Variants in NME6 observed in about 807,000 individuals in gnomAD.
The protein encoded by NME6 is NME/NM23 nucleoside diphosphate kinase 6.
Under a neutral mutation model 22.2 loss-of-function variants are expected in NME6, and 16 were observed. The ratio of observed to expected loss-of-function variants is 0.72; its 90% CI spans 0.49 to 1.09. The LOEUF is 1.09. Ranked by LOEUF, NME6 falls within the 50% of genes least tolerant of loss-of-function variation. The pLI is 0.00. For missense variants in NME6, 229 were observed against 239.0 expected (o/e 0.96, Z 0.28); for synonymous variants, 58 against 85.2 (o/e 0.68, Z 1.76).
downstream of NME6, among the ~76,000 whole-genome samples, chr3:48,288,257 C>T (rs927399364): frequency 4.6e-5 from 7 of 151,396 alleles, no homozygotes; most frequent in Non-Finnish European, 7.4e-5. Context: ...GGAGCATGCC[C>T]GTAGTCCCAG....
At chr3:48,300,138 C>G in intron 1 of NME6, 1 of 423,650 alleles carries the variant, frequency 2.4e-6, no homozygotes, top group Admixed American at 2.6e-5. Context: ...ACACAGCAGC[C>G]AAAGTGAACC....
intron 1 of NME6, chr3:48,300,629 C>T (rs1021068165): frequency 3.5e-6 from 1 of 282,270 alleles, no homozygotes; most frequent in South Asian, 3.2e-5. Context: ...GGCAAGAACA[C>T]GCGGCCTGTA....
At position 48,295,988 on chromosome 3, in the gene NME6, A is replaced by G. The variant is rs536836767; in HGVS notation, c.233+131T>C. 4.6e-5 allele frequency: 34 copies of G among 740,390 alleles called. No homozygotes were observed. The South Asian group carries it at 5.0e-4, about 11-fold the overall frequency. The allele number at this position is 740,390 out of a possible 1,614,324, so 45.9% of individuals were successfully genotyped here. A position where few individuals can be genotyped will look rare whatever the true frequency, so the allele number is the denominator to read the frequency against. ...CGCCTCAGCCTCCCAAAGTGCTGGG[A>G]TTACAGGCATGAGCCACCGTGCCTG... On this transcript the variant is annotated intron_variant, in intron 4 of 5. Transcript: ENST00000442597.
At position 48,296,754 on chromosome 3, in the gene NME6, A is replaced by G; in HGVS notation, c.166T>C (p.Cys56Arg). 6.2e-7 allele frequency: 1 copy of G among 1,613,660 alleles called. No homozygotes were observed. Among genetic ancestry groups the G allele is most frequent in the Non-Finnish European group, 8.5e-7 (1 of 1,179,882 alleles). ...TCATGCTCTCGGTAAAACCTCTGGC[A>G]ATCTTCCTTTCTCCACAGTAGTTCT... is the stretch of plus-strand genomic sequence containing the variant. ...MRELLWRKEDCQRFYREHEGR... is the reference protein window; with the variant it reads ...MRELLWRKEDRQRFYREHEGR... The change falls in exon 3 of 6, where the codon TGC (cysteine) becomes CGC (arginine). Residue 56 changes from cysteine to arginine, a missense_variant. By Grantham distance (180) the Cys-to-Arg change is radical. Coordinates refer to ENST00000442597, the MANE Select transcript of NME6 (RefSeq NM_001308426.2).
chr3:48,291,051 A>G (rs539994711), downstream of NME6: 3 of 289,850 alleles, frequency 1.0e-5, no homozygotes, highest in Middle Eastern at 1.4e-3. Context: ...CTTCGCCCCA[A>G]TTTCTCAGTT....
chr3:48,287,976 A>ATCTAGGAAAGTGGAGGAGTGGACGG (rs1475205304), downstream of NME6, among the ~76,000 whole-genome samples: 22 of 152,192 alleles, frequency 1.4e-4, no homozygotes, highest in South Asian at 2.1e-4. Context: ...ACATGAATAT[A>ATCTAGGAAAGTGGAGGAGTGGACGG]TCTAGGAAAG....
Position 48,292,627 on chromosome 3 carries a change from C to G in NME6, c.*2010G>C, listed in dbSNP as rs1355464818. On this transcript the variant is annotated 3_prime_UTR_variant, in exon 6 of 6. Transcript: ENST00000442597. The stretch of plus-strand genomic sequence containing the variant: ...GTGCAACGGCGTGATCTTGGCTCAC[C>G]ACAACCTCCGCCTCCTGGGTTCAAG... 1 of 152,060 alleles carries G rather than the reference C, an allele frequency of 6.6e-6. No individual in the cohort carries two copies. The highest frequency in any genetic ancestry group is 2.1e-4 in the South Asian group (1 of 4,828). The allele number at this position is 152,060 out of a possible 1,614,324, so 9.4% of individuals were successfully genotyped here. A position where few individuals can be genotyped will look rare whatever the true frequency, so the allele number is the denominator to read the frequency against.
At chr3:48,295,396 C>G (rs1204480340) in intron 4 of NME6, 161 bp from the exon 5 acceptor site, 1 of 760,162 alleles carries the variant, frequency 1.3e-6, no homozygotes, top group Non-Finnish European at 2.1e-6. Context: ...AGGGCCCCTG[C>G]TGGTGTACAT....
chr3:48,300,943 G>C (rs556431435), intron 1 of NME6, among the ~76,000 whole-genome samples: 1 of 152,246 alleles, frequency 6.6e-6, no homozygotes, highest in East Asian at 1.9e-4. Context: ...AGCTACTAGG[G>C]AGGCTGAGGC....
intron 2 of NME6, among the ~76,000 whole-genome samples, chr3:48,297,300 A>C (rs1308636545): frequency 6.6e-6 from 1 of 152,170 alleles, no homozygotes; most frequent in Non-Finnish European, 1.5e-5. Context: ...CTCTAGTCTC[A>C]CCATCGCAGG....
chr3:48,296,081 C>T (rs370850316), intron 4 of NME6, 38 bp downstream of exon 4: 16 of 1,310,652 alleles, frequency 1.2e-5, no homozygotes, highest in Non-Finnish European at 1.8e-5. Context: ...GGAGATTAGC[C>T]TCAGTGGATA....
downstream of NME6, chr3:48,290,971 C>T (rs2034411962): frequency 3.4e-6 from 1 of 291,386 alleles, no homozygotes; most frequent in Admixed American, 4.0e-5. Context: ...GCATAGATTC[C>T]TTCCTGTGCG....
chr3:48,294,869 G>A, intron 5 of NME6, 66 bp from the exon 6 acceptor site: 1 of 1,554,858 alleles, frequency 6.4e-7, no homozygotes, highest in Non-Finnish European at 8.8e-7. Flanking sequence ...GTCATAATCA[G>A]GTTCAGAATC....
At chr3:48,291,738 G>A (rs535780949), downstream of NME6, 1 of 152,740 alleles carries the variant, frequency 6.5e-6, no homozygotes, top group African/African-American at 2.4e-5. Flanking sequence ...GGCTACAATT[G>A]GTTTGCTATA....
At chr3:48,300,613 T>G (rs989869715) in intron 1 of NME6, 10 of 290,598 alleles carry the variant, frequency 3.4e-5, no homozygotes. Flanking sequence ...TGCTAGGGGT[T>G]CTCGTGGCAA....
Position 48,294,649 on chromosome 3 carries a change from T to C in NME6, c.549A>G (p.Leu183=), listed in dbSNP as rs1311485281. The C allele has an allele frequency of 6.2e-7, 1 of 1,614,158 alleles. No individual in the cohort carries two copies. Among genetic ancestry groups the C allele is most frequent in the East Asian group, 2.2e-5 (1 of 44,874 alleles). The change falls in exon 6 of 6, where the codon CTA becomes CTG. Residue 183 remains leucine, a synonymous_variant. Transcript: ENST00000442597. ...GVHYVAGTGG[L]GPA is the part of the protein sequence containing the mutation. ...TCATAGACCTGCATCAGGCTGGTCC[T>C]AGGCCTCCTGTTCCAGCTACATAGT... is the stretch of plus-strand genomic sequence containing the variant.
intron 4 of NME6, 95 bp from the exon 5 acceptor site, chr3:48,295,330 TGA>T (rs2106939549): frequency 4.4e-6 from 6 of 1,367,458 alleles, no homozygotes; most frequent in African/African-American, 1.5e-5. Context: ...CTCTACGTTC[TGA>T]GAGTTTTCCT....
At chr3:48,295,855 A>C (rs1193654333) in intron 4 of NME6, 1 of 505,826 alleles carries the variant, frequency 2.0e-6, no homozygotes, top group Non-Finnish European at 3.6e-6. Context: ...AGCTGGGATT[A>C]CAGGCACCTG....
At chr3:48,299,567 G>A (rs1257367968) in intron 1 of NME6, among the ~76,000 whole-genome samples, 1 of 143,728 alleles carries the variant, frequency 7.0e-6, no homozygotes, top group African/African-American at 2.4e-5. Flanking sequence ...ATGTGTGTAT[G>A]TGTGTGTGTG....
Sources: allele counts gnomAD v4.1 joint callset (sites outside exome capture counted in the v4.1 genomes callset), GRCh38; gene constraint gnomAD v4.1.1; transcripts MANE v1.5; gene names NCBI Gene and HGNC (gene_info 2026-07-23, HGNC 2026-07-21).